The following ZNF804A variants were observed in gnomAD, a reference collection of about 807,000 sequenced individuals.
ZNF804A encodes zinc finger protein 804A.
ZNF804A carries 2 observed loss-of-function variants against 16.5 expected under a neutral mutation model. That is an observed-to-expected ratio of 0.12 (90% CI 0.05 to 0.38). ZNF804A has a LOEUF of 0.38. Among genes scored for constraint, ZNF804A ranks in the 10% least tolerant of loss-of-function variants. The pLI, the probability that ZNF804A is intolerant of heterozygous loss-of-function variation, is 0.99. For missense variants in ZNF804A, 1,473 were observed against 1,390.7 expected, an observed-to-expected ratio of 1.06 and a Z score of -0.94; for synonymous variants, 534 against 489.6, an observed-to-expected ratio of 1.09 and a Z score of -1.20.
intron 1 of ZNF804A, among the ~76,000 whole-genome samples, chr2:184,809,307 G>A (rs143934924): frequency 0.011 from 1,613 of 151,710 alleles, 17 homozygotes; most frequent in Non-Finnish European, 0.017. Context: ...AAGTGGAAGG[G>A]ACTCAAGAAA....
At chr2:184,686,017 G>C (rs1303623784) in intron 1 of ZNF804A, among the ~76,000 whole-genome samples, 14 of 152,366 alleles carry the variant, frequency 9.2e-5, no homozygotes, top group Non-Finnish European at 5.9e-5. Context: ...TGTCAGCACA[G>C]CTCCAAGTGC....
chr2:184,765,586 T>G, intron 1 of ZNF804A, among the ~76,000 whole-genome samples: 1 of 124,922 alleles, frequency 8.0e-6, no homozygotes. Flanking sequence ...GCTCAATCAA[T>G]CACTACCCCC....
intron 1 of ZNF804A, among the ~76,000 whole-genome samples, chr2:184,828,843 CTGA>C (rs1459673929): frequency 2.0e-5 from 3 of 151,780 alleles, no homozygotes; most frequent in African/African-American, 7.2e-5. Flanking sequence ...AGTCTAAAAT[CTGA>C]TGATGATAGG....
intron 1 of ZNF804A, among the ~76,000 whole-genome samples, chr2:184,645,892 A>T: frequency 6.6e-6 from 1 of 152,306 alleles, no homozygotes; most frequent in South Asian, 2.1e-4. Context: ...TGAAGCCCCA[A>T]TACATGAGAG....
chr2:184,621,667 A>T (rs989540783), intron 1 of ZNF804A, among the ~76,000 whole-genome samples: 16 of 151,742 alleles, frequency 1.1e-4, no homozygotes, highest in African/African-American at 9.7e-5. Context: ...CCAAAGTAGG[A>T]TGCATGTACC....
chr2:184,913,763 T>C (rs377108774), intron 2 of ZNF804A, among the ~76,000 whole-genome samples: 5 of 152,234 alleles, frequency 3.3e-5, no homozygotes, highest in African/African-American at 1.2e-4. Context: ...TTCCTACTCT[T>C]CCATTTCCAC....
intron 1 of ZNF804A, among the ~76,000 whole-genome samples, chr2:184,620,239 T>C (rs1418460683): frequency 6.6e-6 from 1 of 151,828 alleles, no homozygotes; most frequent in Non-Finnish European, 1.5e-5. Flanking sequence ...GTTATAATTC[T>C]TTAACATTCC....
At chr2:184,753,148 T>A (rs534190541) in intron 1 of ZNF804A, among the ~76,000 whole-genome samples, 1 of 151,604 alleles carries the variant, frequency 6.6e-6, no homozygotes, top group Non-Finnish European at 1.5e-5. Flanking sequence ...TAATGATTTG[T>A]TGGGGTTTTA....
chr2:184,861,432 T>C (rs1574245852), intron 1 of ZNF804A, among the ~76,000 whole-genome samples: 1 of 152,216 alleles, frequency 6.6e-6, no homozygotes, highest in South Asian at 2.1e-4. Flanking sequence ...AAATAAGCAC[T>C]AGGGTGTCCT....
chr2:184,721,905 TA>T (rs1172668953), intron 1 of ZNF804A, among the ~76,000 whole-genome samples: 2 of 152,008 alleles, frequency 1.3e-5, no homozygotes, highest in African/African-American at 2.4e-5. Context: ...TTCTAGGTCA[TA>T]AAAAAATGAA....
chr2:184,709,916 G>T lies in ZNF804A; in HGVS notation c.111+110846G>T, dbSNP rs534965702. 1.2e-4 allele frequency among the ~76,000 whole-genome samples: 18 copies of T among 149,476 alleles called. No homozygotes were observed. The East Asian group carries it at 3.5e-3, about 29-fold the overall frequency. On this transcript the variant is annotated intron_variant, in intron 1 of 3. Transcript: ENST00000302277. ...AACAAAAATCACATAAAAGCATAAA[G>T]TATAGGAATTCTTCCACATTTCCTT...
rs1574270637 is a variant in ZNF804A at position 184,919,059 on chromosome 2, C to T, written c.256-14544C>T. On this transcript the variant is annotated intron_variant, in intron 2 of 3. Coordinates refer to ENST00000302277, the MANE Select transcript of ZNF804A (RefSeq NM_194250.2). Reference sequence around the variant, plus strand: ...GAAGTTAATTTCTTAAGCCTGGGCCCATTGCTATTCTTCATTTGTGAAGTG... The same window carrying T: ...GAAGTTAATTTCTTAAGCCTGGGCCTATTGCTATTCTTCATTTGTGAAGTG... Among the ~76,000 whole-genome samples, 3 of 152,134 alleles carry T rather than the reference C, an allele frequency of 2.0e-5. No homozygotes were observed. The South Asian group carries it at 6.2e-4, about 32-fold the overall frequency.
chr2:184,924,478 C>G (rs1166259280), intron 2 of ZNF804A, among the ~76,000 whole-genome samples: 3 of 151,218 alleles, frequency 2.0e-5, no homozygotes, highest in Non-Finnish European at 4.4e-5. Context: ...CCAAAATTGT[C>G]AATTTTGTTT....
chr2:184,835,895 G>T (rs1007700557), intron 1 of ZNF804A, among the ~76,000 whole-genome samples: 1 of 152,054 alleles, frequency 6.6e-6, no homozygotes, highest in African/African-American at 2.4e-5. Context: ...CTTCAGTCTG[G>T]GAGTGTTTGT....
chr2:184,882,979 A>C (rs913346375), intron 2 of ZNF804A, among the ~76,000 whole-genome samples: 1 of 152,106 alleles, frequency 6.6e-6, no homozygotes, highest in African/African-American at 2.4e-5. Flanking sequence ...GCCACATAAA[A>C]GATCAACAAA....
At chr2:184,717,005 T>C (rs1693225631) in intron 1 of ZNF804A, among the ~76,000 whole-genome samples, 1 of 152,132 alleles carries the variant, frequency 6.6e-6, no homozygotes, top group South Asian at 2.1e-4. Context: ...AACCCTGTCA[T>C]AACTCCTCTC....
chr2:184,926,487 T>G (rs1685614998), intron 2 of ZNF804A, among the ~76,000 whole-genome samples: 1 of 152,100 alleles, frequency 6.6e-6, no homozygotes, highest in Admixed American at 6.6e-5. Context: ...GTAGTCTTCT[T>G]TAGGTTAAAT....
chr2:184,890,386 T>A (rs911193392), intron 2 of ZNF804A, among the ~76,000 whole-genome samples: 3 of 152,120 alleles, frequency 2.0e-5, no homozygotes, highest in Non-Finnish European at 4.4e-5. Flanking sequence ...CTATCAACAA[T>A]GTTGCAGTCC....
chr2:184,683,352 C>T (rs887241432), intron 1 of ZNF804A, among the ~76,000 whole-genome samples: 1 of 152,166 alleles, frequency 6.6e-6, no homozygotes. Context: ...CAACTTTAAA[C>T]TGAAGTTATT....
Sources: allele counts gnomAD v4.1 joint callset (sites outside exome capture counted in the v4.1 genomes callset), GRCh38; gene constraint gnomAD v4.1.1; transcripts MANE v1.5; gene names NCBI Gene and HGNC (gene_info 2026-07-23, HGNC 2026-07-21).